The following ANAPC10 variants were observed in gnomAD, a reference collection of about 807,000 sequenced individuals.
The protein encoded by ANAPC10 is anaphase promoting complex subunit 10.
A neutral mutation model predicts 22.0 loss-of-function variants in ANAPC10; 12 were observed. The observed-to-expected ratio is 0.55, with a 90% confidence interval of 0.35 to 0.88. ANAPC10 has a LOEUF of 0.88. ANAPC10 is among the 40% of genes least tolerant of loss of function. ANAPC10 has a pLI of 0.01. For synonymous variants in ANAPC10, 65 were observed against 69.5 expected, an observed-to-expected ratio of 0.94 and a Z score of 0.32; for missense variants, 188 against 220.9, an observed-to-expected ratio of 0.85 and a Z score of 0.94.
chr4:145,026,372 T>C (rs1263614394), intron 4 of ANAPC10, among the ~76,000 whole-genome samples: 1 of 152,126 alleles, frequency 6.6e-6, no homozygotes, highest in Non-Finnish European at 1.5e-5. Context: ...GTAATAAACG[T>C]AATCGATAAG....
intron 4 of ANAPC10, among the ~76,000 whole-genome samples, chr4:145,038,530 A>C (rs1738969943): frequency 6.6e-6 from 1 of 152,002 alleles, no homozygotes; most frequent in East Asian, 1.9e-4. Flanking sequence ...AAAAAGAAGA[A>C]AAAAGCTAAG....
At chr4:145,090,833 C>T (rs534181648) in intron 2 of ANAPC10, among the ~76,000 whole-genome samples, 1 of 152,130 alleles carries the variant, frequency 6.6e-6, no homozygotes, top group East Asian at 1.9e-4. Context: ...GCTATACTTC[C>T]TCCACTAAAT....
chr4:145,028,716 ATG>A (rs1026300196), intron 4 of ANAPC10, among the ~76,000 whole-genome samples: 3 of 152,182 alleles, frequency 2.0e-5, no homozygotes, highest in African/African-American at 7.2e-5. Context: ...TGCAAAATAA[ATG>A]TGTTTGACAC....
At chr4:145,094,504 T>C (rs747321621) in intron 2 of ANAPC10, among the ~76,000 whole-genome samples, 2 of 152,152 alleles carry the variant, frequency 1.3e-5, no homozygotes, top group Non-Finnish European at 2.9e-5. Context: ...AAAGTGCTCA[T>C]AGAAAGACAG....
At chr4:145,095,671 T>C (rs113294154) in intron 2 of ANAPC10, among the ~76,000 whole-genome samples, 1,897 of 151,062 alleles carry the variant, frequency 0.013, 57 homozygotes, top group African/African-American at 0.044. Flanking sequence ...GGGTACAATA[T>C]AATATTTTGA....
intron 4 of ANAPC10, among the ~76,000 whole-genome samples, chr4:145,002,720 G>C (rs1275411082): frequency 6.6e-6 from 1 of 151,550 alleles, no homozygotes; most frequent in Non-Finnish European, 1.5e-5. Flanking sequence ...GAAAATCTTT[G>C]GACTGAAAAA....
intron 4 of ANAPC10, among the ~76,000 whole-genome samples, chr4:144,996,199 C>A (rs1731588899): frequency 6.6e-6 from 1 of 152,206 alleles, no homozygotes; most frequent in Non-Finnish European, 1.5e-5. Context: ...CGGCTCTACA[C>A]TCCGAAACAG....
intron 2 of ANAPC10, among the ~76,000 whole-genome samples, chr4:145,089,163 A>G (rs958037052): frequency 1.3e-5 from 2 of 152,212 alleles, no homozygotes; most frequent in Non-Finnish European, 2.9e-5. Flanking sequence ...AGCAAATATC[A>G]CTATTCAACT....
At chr4:145,013,089 A>G (rs912292626) in intron 4 of ANAPC10, among the ~76,000 whole-genome samples, 1 of 152,136 alleles carries the variant, frequency 6.6e-6, no homozygotes, top group African/African-American at 2.4e-5. Context: ...TTCCCCAGAC[A>G]TGCTTCCTGT....
At chr4:145,025,332 GCC>G (rs36048867) in intron 4 of ANAPC10, among the ~76,000 whole-genome samples, 13,755 of 141,898 alleles carry the variant, frequency 0.097, 737 homozygotes, top group Non-Finnish European at 0.13. Flanking sequence ...CTTTCAACAC[GCC>G]CCCCCCCCCT....
chr4:145,095,570 T>C (rs754472209), intron 2 of ANAPC10, among the ~76,000 whole-genome samples: 3 of 152,288 alleles, frequency 2.0e-5, no homozygotes, highest in African/African-American at 7.2e-5. Context: ...AGGTTAATAG[T>C]AGCCTAACAC....
At chr4:145,008,429 AATC>A (rs1560815084) in intron 4 of ANAPC10, among the ~76,000 whole-genome samples, 1 of 152,188 alleles carries the variant, frequency 6.6e-6, no homozygotes, top group Admixed American at 6.5e-5. Context: ...TCGGTGCAAA[AATC>A]ATCAATAAAA....
chr4:145,006,897 T>C (rs1733456312), intron 4 of ANAPC10, among the ~76,000 whole-genome samples: 1 of 152,140 alleles, frequency 6.6e-6, no homozygotes, highest in South Asian at 2.1e-4. Context: ...GTTCCTTAAA[T>C]GTTGCATTCC....
intron 3 of ANAPC10, among the ~76,000 whole-genome samples, chr4:145,076,118 G>A (rs1285057577): frequency 6.6e-6 from 1 of 152,222 alleles, no homozygotes; most frequent in Non-Finnish European, 1.5e-5. Flanking sequence ...CCAACAGAAA[G>A]CTTTAGCAGA....
chr4:145,093,439 C>T (rs1365203879), intron 2 of ANAPC10, among the ~76,000 whole-genome samples: 1 of 149,646 alleles, frequency 6.7e-6, no homozygotes, highest in Non-Finnish European at 1.5e-5. Context: ...ATTTGGCACT[C>T]AATAAAAAAA....
chr4:145,072,999 C>T (rs895665588), intron 3 of ANAPC10, among the ~76,000 whole-genome samples: 14 of 151,666 alleles, frequency 9.2e-5, no homozygotes, highest in Admixed American at 2.6e-4. Flanking sequence ...CTGGCCCAAG[C>T]GATCCATGTC....
intron 3 of ANAPC10, among the ~76,000 whole-genome samples, chr4:145,079,975 G>A (rs1035378968): frequency 2.0e-5 from 3 of 151,818 alleles, no homozygotes; most frequent in Non-Finnish European, 2.9e-5. Flanking sequence ...TTAGCTGGGC[G>A]TGGTGGCAGG....
intron 1 of ANAPC10, among the ~76,000 whole-genome samples, chr4:145,096,876 G>A (rs1560948509): frequency 6.6e-6 from 1 of 151,992 alleles, no homozygotes; most frequent in Non-Finnish European, 1.5e-5. Context: ...TATTCATTGA[G>A]TGATGCAGAG....
chr4:144,995,023 G>C lies in ANAPC10; in HGVS notation c.*350C>G, dbSNP rs189288280. 281 of 167,014 alleles carry C rather than the reference G, an allele frequency of 1.7e-3. No homozygotes were observed. Among genetic ancestry groups the C allele is most frequent in the Non-Finnish European group, 2.7e-3 (209 of 77,396 alleles). 10.3% of individuals were successfully genotyped at this position (167,014 alleles called of 1,614,324 possible). On this transcript the variant is annotated 3_prime_UTR_variant, in exon 5 of 5. Transcript: ENST00000507656. ...GCAATAAACCATTACTCTAATGTAT[G>C]AACACTAATGAAATAATCACCTAGC... is the stretch of plus-strand genomic sequence containing the variant.
Sources: gnomAD v4.1 joint callset for allele counts (sites outside exome capture counted in the v4.1 genomes callset) on GRCh38, gnomAD v4.1.1 for gene constraint, MANE v1.5 for transcripts, NCBI Gene and HGNC (gene_info 2026-07-23, HGNC 2026-07-21) for gene names.